Variants in RIT2 observed in about 807,000 individuals in gnomAD.
RIT2 encodes the protein Ras like without CAAX 2, also known as GTP-binding protein Rit2.
A neutral mutation model predicts 23.7 loss-of-function variants in RIT2; 24 were observed. The ratio of observed to expected loss-of-function variants is 1.01; its 90% CI spans 0.73 to 1.43. The LOEUF is 1.43. Among genes scored for constraint, RIT2 ranks in the 40% most tolerant of loss-of-function variants. RIT2 has a pLI of 0.00. For synonymous variants in RIT2, 107 were observed against 91.1 expected (o/e 1.17, Z -0.99); for missense variants, 236 against 266.9 (o/e 0.88, Z 0.81).
At chr18:42,939,226 C>T (rs905817914) in intron 3 of RIT2, among the ~76,000 whole-genome samples, 6 of 152,092 alleles carry the variant, frequency 3.9e-5, no homozygotes, top group Admixed American at 6.6e-5. Context: ...TCAAGCTATA[C>T]TGCCTGGGTT....
intron 1 of RIT2, among the ~76,000 whole-genome samples, chr18:43,094,317 C>T (rs993799327): frequency 4.6e-5 from 7 of 151,600 alleles, no homozygotes; most frequent in Admixed American, 1.3e-4. Flanking sequence ...AAATGAAATC[C>T]GTGCTTATAG....
In RIT2 at chr18:42,743,262, T is replaced by A; in HGVS notation, c.*231A>T. 1.8e-6 allele frequency: 1 copy of A among 543,346 alleles called. No homozygotes were observed. The allele number at this position is 543,346 out of a possible 1,614,324, so 33.7% of individuals were successfully genotyped here. ...GGAATGTCAATTTTATTTAGTACTA[T>A]GTTGTAAAAACTAAACAGCATATCC... On this transcript the variant is annotated 3_prime_UTR_variant, in exon 5 of 5. Coordinates refer to ENST00000326695, the MANE Select transcript of RIT2 (RefSeq NM_002930.4).
At chr18:42,840,036 T>C (rs1261009723) in intron 4 of RIT2, among the ~76,000 whole-genome samples, 1 of 152,226 alleles carries the variant, frequency 6.6e-6, no homozygotes, top group Non-Finnish European at 1.5e-5. Flanking sequence ...CAAAAAAGGT[T>C]GAATGTACAC....
At chr18:42,864,688 G>C (rs548796146) in intron 4 of RIT2, among the ~76,000 whole-genome samples, 27 of 152,314 alleles carry the variant, frequency 1.8e-4, no homozygotes, top group Non-Finnish European at 3.1e-4. Flanking sequence ...TGAAGAACCA[G>C]ATCCTTTTTC....
chr18:42,751,801 TTA>T (rs1488237115), intron 4 of RIT2, among the ~76,000 whole-genome samples: 1 of 152,060 alleles, frequency 6.6e-6, no homozygotes, highest in Non-Finnish European at 1.5e-5. Flanking sequence ...GAAATTATAC[TTA>T]GTAAAATATT....
intron 2 of RIT2, among the ~76,000 whole-genome samples, chr18:42,989,304 G>T (rs1346915561): frequency 6.6e-6 from 1 of 152,046 alleles, no homozygotes; most frequent in Non-Finnish European, 1.5e-5. Flanking sequence ...ATTCAGTGTT[G>T]GGCTGGGACT....
At chr18:42,794,630 A>T (rs943302490) in intron 4 of RIT2, among the ~76,000 whole-genome samples, 15 of 152,152 alleles carry the variant, frequency 9.9e-5, no homozygotes, top group Middle Eastern at 3.2e-3. Context: ...CTTCTGATTT[A>T]AAAAAATATT....
chr18:43,043,940 G>A (rs1345988414), intron 1 of RIT2, among the ~76,000 whole-genome samples: 1 of 152,058 alleles, frequency 6.6e-6, no homozygotes, highest in African/African-American at 2.4e-5. Flanking sequence ...CAGAAATAGA[G>A]CTACAAGAAT....
chr18:42,927,398 GTGTGTGTA>G (rs1909210351), intron 3 of RIT2, among the ~76,000 whole-genome samples: 1 of 134,088 alleles, frequency 7.5e-6, no homozygotes, highest in Non-Finnish European at 1.7e-5. Flanking sequence ...GTGTGTGTGT[GTGTGTGTA>G]TGTTTTACTA....
chr18:43,076,885 C>A (rs1913033003), intron 1 of RIT2, among the ~76,000 whole-genome samples: 1 of 151,774 alleles, frequency 6.6e-6, no homozygotes, highest in Non-Finnish European at 1.5e-5. Context: ...GGGCGGATCA[C>A]GAGGTCAGGA....
rs534734448 is a variant in RIT2 at position 42,873,683 on chromosome 18, A to T, written c.426+49889T>A. On this transcript the variant is annotated intron_variant, in intron 4 of 4. Coordinates refer to ENST00000326695, the MANE Select transcript of RIT2 (RefSeq NM_002930.4). ...AGAAACAGCATTTTTCTTCTGCCAAACAGAAGGAATATTCAAGATGATAAA... is the reference window on the plus strand; with the variant it reads ...AGAAACAGCATTTTTCTTCTGCCAATCAGAAGGAATATTCAAGATGATAAA... Among the ~76,000 whole-genome samples the T allele has an allele frequency of 2.0e-5, 3 of 152,234 alleles. No homozygotes were observed. The South Asian group carries it at 6.2e-4, about 32-fold the overall frequency.
At chr18:42,841,927 G>A (rs550588982) in intron 4 of RIT2, among the ~76,000 whole-genome samples, 23 of 152,230 alleles carry the variant, frequency 1.5e-4, no homozygotes, top group African/African-American at 5.5e-4. Flanking sequence ...CCCATGTCTG[G>A]CACATTCTGC....
chr18:43,109,840 A>T (rs1195569264), intron 1 of RIT2, among the ~76,000 whole-genome samples: 1 of 150,970 alleles, frequency 6.6e-6, no homozygotes, highest in Non-Finnish European at 1.5e-5. Context: ...TATGTTGACA[A>T]CATTTCACCA....
At chr18:42,807,165 AG>A (rs1375796895) in intron 4 of RIT2, among the ~76,000 whole-genome samples, 1 of 152,184 alleles carries the variant, frequency 6.6e-6, no homozygotes, top group Non-Finnish European at 1.5e-5. Flanking sequence ...ATTTCAAAAA[AG>A]AAAGCCATTT....
chr18:43,081,317 T>C (rs1013513721), intron 1 of RIT2, among the ~76,000 whole-genome samples: 1 of 152,186 alleles, frequency 6.6e-6, no homozygotes, highest in Non-Finnish European at 1.5e-5. Context: ...GCTAACATCA[T>C]TTATTATTTT....
chr18:42,945,945 T>C (rs529685301), intron 3 of RIT2, among the ~76,000 whole-genome samples: 91 of 152,128 alleles, frequency 6.0e-4, no homozygotes, highest in Non-Finnish European at 7.5e-4. Flanking sequence ...ATGGTGTTGG[T>C]TGAAGAACAA....
intron 4 of RIT2, among the ~76,000 whole-genome samples, chr18:42,901,590 A>G (rs957201909): frequency 6.6e-6 from 1 of 152,052 alleles, no homozygotes. Flanking sequence ...ATTAATGAAT[A>G]TGATATTTTG....
At chr18:42,951,196 AAGAAAATGT>A (rs1215924209) in intron 3 of RIT2, among the ~76,000 whole-genome samples, 1 of 152,138 alleles carries the variant, frequency 6.6e-6, no homozygotes, top group Non-Finnish European at 1.5e-5. Flanking sequence ...GGAATGAATA[AAGAAAATGT>A]AGAAAATGTA....
chr18:42,755,784 C>T (rs537771206), intron 4 of RIT2, among the ~76,000 whole-genome samples: 18 of 152,126 alleles, frequency 1.2e-4, no homozygotes, highest in Admixed American at 9.8e-4. Flanking sequence ...AGTTGGTTGT[C>T]GATTTAGACA....
Sources: gnomAD v4.1 joint callset for allele counts (sites outside exome capture counted in the v4.1 genomes callset) on GRCh38, gnomAD v4.1.1 for gene constraint, MANE v1.5 for transcripts, NCBI Gene and HGNC (gene_info 2026-07-23, HGNC 2026-07-21) for gene names.